Variants in CDH13 observed in about 807,000 individuals in gnomAD.
CDH13 encodes cadherin 13.
CDH13 carries 24 observed loss-of-function variants against 63.8 expected under a neutral mutation model. The ratio of observed to expected loss-of-function variants is 0.38; its 90% CI spans 0.27 to 0.53. The LOEUF (loss-of-function observed/expected upper bound fraction) is 0.53, where lower values mean the gene tolerates loss of function less well. Ranked by LOEUF, CDH13 falls within the 20% of genes least tolerant of loss-of-function variation. The pLI, the probability that CDH13 is intolerant of heterozygous loss-of-function variation, is 0.85. For missense variants in CDH13, 1,049 were observed against 903.1 expected, an observed-to-expected ratio of 1.16 and a Z score of -2.07; for synonymous variants, 503 against 355.3, an observed-to-expected ratio of 1.42 and a Z score of -4.67.
In CDH13 at chr16:83,010,717, A is replaced by G. The variant is rs372773609; in HGVS notation, c.158-21293A>G. ...CCAGAGCCCTACTGAATCAAAAGAA[A>G]TACTTATTTTTTCTAAAAAAGGAAT... On this transcript the variant is annotated intron_variant, in intron 2 of 13. Coordinates refer to ENST00000567109, the MANE Select transcript of CDH13 (RefSeq NM_001257.5). Among the ~76,000 whole-genome samples, 7 of 152,310 alleles carry G rather than the reference A, an allele frequency of 4.6e-5. No homozygotes were observed. In the South Asian group the frequency reaches 1.5e-3, roughly 32 times the overall value.
chr16:83,726,604 G>A (rs2150945129), intron 10 of CDH13, among the ~76,000 whole-genome samples: 1 of 152,282 alleles, frequency 6.6e-6, no homozygotes, highest in African/African-American at 2.4e-5. Context: ...GGGAGGCCGA[G>A]GCGGGCAGAT....
At chr16:83,674,736 C>G (rs1914810315) in intron 9 of CDH13, among the ~76,000 whole-genome samples, 1 of 152,270 alleles carries the variant, frequency 6.6e-6, no homozygotes, top group Admixed American at 6.5e-5. Flanking sequence ...GTGGCTCTGA[C>G]AGATGAGTGT....
At chr16:82,975,154 G>C (rs559523019) in intron 2 of CDH13, among the ~76,000 whole-genome samples, 1 of 152,336 alleles carries the variant, frequency 6.6e-6, no homozygotes, top group East Asian at 1.9e-4. Flanking sequence ...AATAAAGTAG[G>C]GTGGTTGAGG....
At chr16:83,391,160 C>G (rs1374137492) in intron 6 of CDH13, among the ~76,000 whole-genome samples, 1 of 152,042 alleles carries the variant, frequency 6.6e-6, no homozygotes, top group Non-Finnish European at 1.5e-5. Flanking sequence ...TGCCAAGATG[C>G]TCTTTAGTAT....
intron 7 of CDH13, among the ~76,000 whole-genome samples, chr16:83,525,166 T>A (rs1225913186): frequency 6.6e-6 from 1 of 152,182 alleles, no homozygotes; most frequent in Non-Finnish European, 1.5e-5. Flanking sequence ...CTGTGCCTCA[T>A]GTCCATCCTT....
intron 3 of CDH13, among the ~76,000 whole-genome samples, chr16:83,048,399 T>G (rs1917991304): frequency 6.6e-6 from 1 of 152,190 alleles, no homozygotes; most frequent in Non-Finnish European, 1.5e-5. Flanking sequence ...TGATGAGGTA[T>G]TCACGCTCCT....
At chr16:83,735,844 C>T (rs1257984705) in intron 10 of CDH13, 3 of 152,106 alleles carry the variant, frequency 2.0e-5, no homozygotes, top group Non-Finnish European at 1.5e-5. Flanking sequence ...GGAGTTCATT[C>T]AGGATGTTGT....
chr16:82,888,876 T>C (rs557809506), intron 2 of CDH13, among the ~76,000 whole-genome samples: 5 of 152,244 alleles, frequency 3.3e-5, no homozygotes, highest in Non-Finnish European at 5.9e-5. Context: ...ATAAAATGTC[T>C]GTCTTGAGCA....
chr16:82,875,726 A>T (rs1038588374), intron 2 of CDH13, among the ~76,000 whole-genome samples: 20 of 152,354 alleles, frequency 1.3e-4, no homozygotes, highest in African/African-American at 4.6e-4. Flanking sequence ...CAATAAAATG[A>T]TAAGTATGAT....
intron 11 of CDH13, among the ~76,000 whole-genome samples, chr16:83,760,677 C>G (rs1315590902): frequency 6.6e-6 from 1 of 152,200 alleles, no homozygotes; most frequent in Non-Finnish European, 1.5e-5. Flanking sequence ...GGATGGGTTT[C>G]TTGATCTGGT....
At chr16:83,707,201 C>G (rs1190915840) in intron 10 of CDH13, among the ~76,000 whole-genome samples, 1 of 152,162 alleles carries the variant, frequency 6.6e-6, no homozygotes, top group African/African-American at 2.4e-5. Context: ...AAAATATTTC[C>G]CTTCCTGCCT....
intron 3 of CDH13, among the ~76,000 whole-genome samples, chr16:83,053,057 A>T (rs2030551205): frequency 6.6e-6 from 1 of 152,138 alleles, no homozygotes; most frequent in African/African-American, 2.4e-5. Context: ...GTGAAATGGG[A>T]ATAAAAATAG....
intron 2 of CDH13, among the ~76,000 whole-genome samples, chr16:82,950,158 G>C (rs1194090064): frequency 6.6e-6 from 1 of 152,112 alleles, no homozygotes; most frequent in Non-Finnish European, 1.5e-5. Context: ...GGTAGGGCTG[G>C]TTTCTTCTGA....
chr16:83,711,410 C>T (rs1036804171), intron 10 of CDH13, among the ~76,000 whole-genome samples: 1 of 152,170 alleles, frequency 6.6e-6, no homozygotes, highest in Non-Finnish European at 1.5e-5. Context: ...TTAGTGTAAT[C>T]AGTCAATTAG....
intron 5 of CDH13, among the ~76,000 whole-genome samples, chr16:83,251,661 T>C (rs967838866): frequency 6.6e-6 from 1 of 152,252 alleles, no homozygotes; most frequent in Admixed American, 6.5e-5. Flanking sequence ...TCTGTGGCCA[T>C]TGGCGTAGGC....
At chr16:83,065,571 G>T (rs1195114090) in intron 3 of CDH13, among the ~76,000 whole-genome samples, 3 of 152,012 alleles carry the variant, frequency 2.0e-5, no homozygotes, top group Non-Finnish European at 4.4e-5. Flanking sequence ...CAGGTGTGGT[G>T]GTGCACGCCT....
intron 5 of CDH13, among the ~76,000 whole-genome samples, chr16:83,312,927 G>T (rs906106674): frequency 3.3e-5 from 5 of 152,182 alleles, no homozygotes; most frequent in African/African-American, 9.7e-5. Flanking sequence ...CTTGGTATTA[G>T]ATACACCATT....
chr16:83,163,648 ACT>A (rs1382751696), intron 4 of CDH13, among the ~76,000 whole-genome samples: 3 of 151,326 alleles, frequency 2.0e-5, no homozygotes, highest in Non-Finnish European at 2.9e-5. Flanking sequence ...TGTCATCTCC[ACT>A]CTCTTTCTTT....
At chr16:83,059,425 C>T (rs1045921878) in intron 3 of CDH13, among the ~76,000 whole-genome samples, 1 of 152,076 alleles carries the variant, frequency 6.6e-6, no homozygotes, top group East Asian at 1.9e-4. Flanking sequence ...TCTGGGAGAG[C>T]CAGGTGAGTG....
Sources: allele counts gnomAD v4.1 joint callset (sites outside exome capture counted in the v4.1 genomes callset), GRCh38; gene constraint gnomAD v4.1.1; transcripts MANE v1.5; gene names NCBI Gene and HGNC (gene_info 2026-07-23, HGNC 2026-07-21).